Variants in AGMO observed in about 807,000 individuals in gnomAD.
The protein encoded by AGMO is glyceryl-ether monooxygenase.
AGMO carries 75 observed loss-of-function variants against 60.2 expected under a neutral mutation model. The observed-to-expected ratio is 1.25, with a 90% CI of 1.03 to 1.51. AGMO has a LOEUF of 1.51. AGMO is among the 40% of genes most tolerant of loss of function. The pLI, the probability that AGMO is intolerant of heterozygous loss-of-function variation, is 0.00. For synonymous variants in AGMO, 261 were observed against 177.1 expected (o/e 1.47, Z -3.76); for missense variants, 763 against 525.5 (o/e 1.45, Z -4.42).
intron 12 of AGMO, among the ~76,000 whole-genome samples, chr7:15,334,474 T>C (rs4492267): frequency 0.42 from 63,391 of 151,908 alleles, 13,905 homozygotes; most frequent in African/African-American, 0.56. Flanking sequence ...AAAACAGCAA[T>C]CTGTCAAAAC....
intron 2 of AGMO, among the ~76,000 whole-genome samples, chr7:15,548,229 A>G (rs561047828): frequency 5.3e-5 from 8 of 152,166 alleles, no homozygotes; most frequent in Non-Finnish European, 1.0e-4. Flanking sequence ...AACAGAACAG[A>G]AAAACTGGAA....
chr7:15,443,912 G>A (rs541851301), intron 3 of AGMO, among the ~76,000 whole-genome samples: 10 of 152,074 alleles, frequency 6.6e-5, no homozygotes, highest in Admixed American at 1.3e-4. Context: ...AGTATTCTTC[G>A]TCTTTCAAGA....
chr7:15,512,215 A>T (rs1783694018), intron 3 of AGMO, among the ~76,000 whole-genome samples: 1 of 152,190 alleles, frequency 6.6e-6, no homozygotes, highest in Non-Finnish European at 1.5e-5. Context: ...GATCTCTGTC[A>T]TACAACACTA....
At chr7:15,215,468 G>C (rs1334713163) in intron 12 of AGMO, among the ~76,000 whole-genome samples, 1 of 151,862 alleles carries the variant, frequency 6.6e-6, no homozygotes, top group Non-Finnish European at 1.5e-5. Flanking sequence ...CCATGAGTTT[G>C]GCGGCTGGGT....
chr7:15,548,285 C>T (rs1417630327), intron 2 of AGMO, among the ~76,000 whole-genome samples: 2 of 152,090 alleles, frequency 1.3e-5, no homozygotes, highest in African/African-American at 4.8e-5. Flanking sequence ...GAACGCAGTT[C>T]CTCACCAGCA....
intron 2 of AGMO, 73 bp downstream of exon 2, chr7:15,560,068 A>G: frequency 7.4e-7 from 1 of 1,344,398 alleles, no homozygotes; most frequent in Non-Finnish European, 9.8e-7. Context: ...TCTCCCATGC[A>G]TTGGGTTCCT....
chr7:15,288,339 T>C (rs964576117), intron 12 of AGMO, among the ~76,000 whole-genome samples: 2 of 152,198 alleles, frequency 1.3e-5, no homozygotes, highest in Admixed American at 6.5e-5. Flanking sequence ...TTAAAATTTA[T>C]AAATATAAGG....
rs370827545 is a variant in AGMO, at chr7:15,272,568, T to G, written c.1264-71209A>C. 1.6e-4 allele frequency among the ~76,000 whole-genome samples: 24 copies of G among 152,202 alleles called. No homozygotes were observed. The East Asian group carries it at 2.9e-3, about 18-fold the overall frequency. On this transcript the variant is annotated intron_variant, in intron 12 of 12. Coordinates refer to ENST00000342526, the MANE Select transcript of AGMO (RefSeq NM_001004320.2). ...GGTTGGTTCCAAGTCTTTGCTATTG[T>G]GAATAGTGCCACAATAAATGTATGT...
At chr7:15,424,524 C>T (rs1367266478) in intron 4 of AGMO, among the ~76,000 whole-genome samples, 1 of 152,120 alleles carries the variant, frequency 6.6e-6, no homozygotes, top group Non-Finnish European at 1.5e-5. Flanking sequence ...CACTGAAAAT[C>T]AGAGAATAAT....
chr7:15,547,735 G>T (rs1486195001), intron 2 of AGMO, among the ~76,000 whole-genome samples: 1 of 152,010 alleles, frequency 6.6e-6, no homozygotes, highest in Non-Finnish European at 1.5e-5. Flanking sequence ...AGCGAGGCTG[G>T]GGGAGGGGCG....
At chr7:15,513,083 T>C (rs1290272920) in intron 3 of AGMO, among the ~76,000 whole-genome samples, 1 of 152,244 alleles carries the variant, frequency 6.6e-6, no homozygotes, top group African/African-American at 2.4e-5. Context: ...TCATAATCTG[T>C]GTCTGATACT....
At chr7:15,560,961 GA>G (rs1179342980) in intron 1 of AGMO, among the ~76,000 whole-genome samples, 4 of 152,124 alleles carry the variant, frequency 2.6e-5, no homozygotes, top group Non-Finnish European at 4.4e-5. Flanking sequence ...AACTCAGAAA[GA>G]AAGTGTAATA....
At chr7:15,241,037 A>C (rs1782572557) in intron 12 of AGMO, among the ~76,000 whole-genome samples, 1 of 152,146 alleles carries the variant, frequency 6.6e-6, no homozygotes, top group Non-Finnish European at 1.5e-5. Flanking sequence ...CACTATATTA[A>C]ATACATGTTG....
At chr7:15,528,944 G>T (rs887036141) in intron 3 of AGMO, among the ~76,000 whole-genome samples, 1 of 151,964 alleles carries the variant, frequency 6.6e-6, no homozygotes, top group Non-Finnish European at 1.5e-5. Flanking sequence ...CACCGCGCCC[G>T]GCCAACCATT....
chr7:15,365,947 A>G (rs1782959981), intron 11 of AGMO, among the ~76,000 whole-genome samples, 193 bp downstream of exon 11: 1 of 152,094 alleles, frequency 6.6e-6, no homozygotes, highest in Non-Finnish European at 1.5e-5. Flanking sequence ...TTCATACTTC[A>G]TTCATTTAAA....
intron 5 of AGMO, among the ~76,000 whole-genome samples, chr7:15,397,852 A>G (rs995940218): frequency 1.3e-5 from 2 of 152,212 alleles, no homozygotes; most frequent in Non-Finnish European, 2.9e-5. Flanking sequence ...TAAAGCACAC[A>G]CTGTTAATAA....
chr7:15,268,589 T>C (rs540963800), intron 12 of AGMO, among the ~76,000 whole-genome samples: 15 of 152,224 alleles, frequency 9.9e-5, no homozygotes, highest in Non-Finnish European at 1.9e-4. Context: ...AACTGATTAA[T>C]ACTTTGTTTT....
At chr7:15,247,493 G>C (rs1192553271) in intron 12 of AGMO, among the ~76,000 whole-genome samples, 1 of 151,368 alleles carries the variant, frequency 6.6e-6, no homozygotes, top group African/African-American at 2.4e-5. Flanking sequence ...GAGAGAGGGA[G>C]AGAGAGACAG....
At chr7:15,134,922 G>A in the AGMO span, among the ~76,000 whole-genome samples, 2 of 152,042 alleles carry the variant, frequency 1.3e-5, no homozygotes, top group African/African-American at 2.4e-5. Context: ...GTTTACACAC[G>A]AATGACGTTC....
Sources: gnomAD v4.1 joint callset for allele counts (sites outside exome capture counted in the v4.1 genomes callset) on GRCh38, gnomAD v4.1.1 for gene constraint, MANE v1.5 for transcripts, NCBI Gene and HGNC (gene_info 2026-07-23, HGNC 2026-07-21) for gene names.